GET4: variants seen among roughly 807,000 people sequenced by gnomAD.
The protein encoded by GET4 is Golgi to ER traffic protein 4 homolog.
A neutral mutation model predicts 40.0 loss-of-function variants in GET4; 20 were observed. The observed-to-expected ratio is 0.50, with a 90% CI of 0.35 to 0.73. The LOEUF is 0.73. GET4 is among the 30% of genes least tolerant of loss of function. The pLI, the probability that GET4 is intolerant of heterozygous loss-of-function variation, is 0.01. For missense variants in GET4, 557 were observed against 454.0 expected (o/e 1.23, Z -2.06); for synonymous variants, 280 against 194.6 (o/e 1.44, Z -3.65).
intron 3 of GET4, chr7:887,121 A>G (rs1351028136): frequency 3.0e-6 from 2 of 663,782 alleles, no homozygotes; most frequent in African/African-American, 3.6e-5. Flanking sequence ...CCAGCTCCCC[A>G]CGGCACCTTC....
intron 6 of GET4, among the ~76,000 whole-genome samples, chr7:892,644 CAAGTGTAGACATGGCGTG>C (rs1305190752): frequency 9.8e-5 from 5 of 50,778 alleles, no homozygotes; most frequent in Admixed American, 6.8e-4. Context: ...GGTGTATGTG[CAAGTGTAGACATGGCGTG>C]GGGGAGTGTA....
rs752114502 is a variant in GET4, at chr7:893,948, C to T, written c.872C>T (p.Thr291Met). 1.1e-5 allele frequency: 17 copies of T among 1,604,760 alleles called. No homozygotes were observed. The Admixed American group carries it at 1.2e-4, about 11-fold the overall frequency. ...QLFFGVPPKQ[T>M]SSYGGLLGNL... ...TTCTTCGGCGTCCCGCCCAAGCAGA[C>T]GTCTTCCTACGGGGGCCTGCTCGGT... Residue 291 changes from threonine to methionine, a missense_variant, in exon 8 of 9, where the codon ACG (threonine) becomes ATG (methionine). By Grantham distance (81) the Thr-to-Met change is moderately conservative (BLOSUM62 -1). Coordinates refer to ENST00000265857, the MANE Select transcript of GET4 (RefSeq NM_015949.3).
chr7:888,795 A>G (rs1035133549), intron 4 of GET4, among the ~76,000 whole-genome samples: 1 of 152,362 alleles, frequency 6.6e-6, no homozygotes, highest in South Asian at 2.1e-4. Flanking sequence ...ACGGCCGCAG[A>G]CAACCCTCCT....
intron 8 of GET4, 110 bp from the exon 9 acceptor site, chr7:895,223 GC>G: frequency 1.6e-6 from 1 of 612,928 alleles, no homozygotes; most frequent in Non-Finnish European, 3.0e-6. Flanking sequence ...TGAGGCTTTT[GC>G]TTGTTCCATG....
At chr7:894,098 C>T in intron 8 of GET4, 127 bp downstream of exon 8, 1 of 597,334 alleles carries the variant, frequency 1.7e-6, no homozygotes, top group South Asian at 2.3e-5. Flanking sequence ...AAATGTTTCT[C>T]AGTTTACTTT....
intron 1 of GET4, chr7:885,455 C>G (rs1185175209): frequency 2.0e-5 from 3 of 153,326 alleles, no homozygotes; most frequent in Non-Finnish European, 4.4e-5. Flanking sequence ...GCCTGAGGAG[C>G]TCCAGCTTTC....
chr7:877,183 C>T (rs1843974563), intron 1 of GET4, among the ~76,000 whole-genome samples: 1 of 135,808 alleles, frequency 7.4e-6, no homozygotes, highest in Admixed American at 7.4e-5. Context: ...GGCCGCCTCC[C>T]CCGCCCCACC....
rs758012231 is a variant in GET4 at position 895,403 on chromosome 7, G to T, written c.965G>T (p.Ser322Ile). 1.1e-5 allele frequency: 17 copies of T among 1,581,906 alleles called. No individual in the cohort carries two copies. Among genetic ancestry groups the T allele is most frequent in the Non-Finnish European group, 1.4e-5 (16 of 1,152,594 alleles). The change falls in exon 9 of 9, where the codon AGC (serine) becomes ATC (isoleucine). Residue 322 changes from serine (S) to isoleucine (I), a missense_variant. Physicochemically the swap from Ser to Ile is moderately radical, Grantham distance 142. Transcript: ENST00000265857. ...GGGGAGGAGAGCCCCAGCGACGGCA[G>T]CCCCATCGAGCTGGACTGAACTGGC... is the stretch of plus-strand genomic sequence containing the variant. The part of the protein sequence containing the change: ...EDGEESPSDG[S>I]PIELD
At chr7:891,171 A>G (rs1844313795) in intron 5 of GET4, 105 bp downstream of exon 5, 1 of 848,276 alleles carries the variant, frequency 1.2e-6, no homozygotes, top group Non-Finnish European at 1.8e-6. Context: ...TGCAGGATAA[A>G]CTGAGTTCAC....
intron 1 of GET4, chr7:884,198 C>T (rs780235397): frequency 7.7e-6 from 10 of 1,302,404 alleles, no homozygotes; most frequent in African/African-American, 4.6e-5. Flanking sequence ...TGCTCAGGGT[C>T]GGTGCATGCG....
In GET4 at chr7:886,678, C is replaced by G. The variant is rs113618766; in HGVS notation, c.316+28C>G. ...GAGCATCCGGCCCTTCACCCCGGGA[C>G]CCTGTGACAGCGGCCCCAGTACGCC... On this transcript the variant is annotated intron_variant, in intron 3 of 8. Transcript: ENST00000265857. The G allele has an allele frequency of 3.6e-5, 54 of 1,512,118 alleles. No individual in the cohort carries two copies. In the African/African-American group the frequency reaches 4.1e-4, roughly 12 times the overall value. 93.7% of individuals were successfully genotyped at this position (1,512,118 alleles called of 1,614,324 possible).
chr7:879,546 C>G (rs187855397), intron 1 of GET4, among the ~76,000 whole-genome samples: 25 of 152,304 alleles, frequency 1.6e-4, no homozygotes, highest in African/African-American at 4.8e-4. Flanking sequence ...GGCCCCTGAT[C>G]GTGGCTTATG....
At chr7:884,523 C>T in intron 1 of GET4, 1 of 401,752 alleles carries the variant, frequency 2.5e-6, no homozygotes, top group South Asian at 2.1e-5. Context: ...CCTCCTGGTG[C>T]CCTGCCTCTG....
intron 1 of GET4, among the ~76,000 whole-genome samples, chr7:878,509 G>A (rs1240602948): frequency 6.6e-6 from 1 of 152,076 alleles, no homozygotes; most frequent in Non-Finnish European, 1.5e-5. Context: ...TTGTATTTAA[G>A]GGCAGTTGGT....
At chr7:881,034 T>G (rs1844075072) in intron 1 of GET4, 1 of 152,170 alleles carries the variant, frequency 6.6e-6, no homozygotes, top group East Asian at 1.9e-4. Context: ...CTGGCCAATT[T>G]TTGTATTTTT....
chr7:886,280 G>T, intron 2 of GET4, 146 bp downstream of exon 2: 1 of 636,994 alleles, frequency 1.6e-6, no homozygotes, highest in Non-Finnish European at 2.8e-6. Flanking sequence ...GGGGCCCAGA[G>T]TCCCCCCTGG....
chr7:881,437 G>T (rs1844084618), intron 1 of GET4: 1 of 151,886 alleles, frequency 6.6e-6, no homozygotes, highest in Non-Finnish European at 1.5e-5. Flanking sequence ...GAATCACAGT[G>T]CGCACTTTCT....
At position 892,412 on chromosome 7, in the gene GET4, T is replaced by C; in HGVS notation, c.740T>C (p.Val247Ala). Residue 247 changes from valine to alanine, a missense_variant, in exon 6 of 9, where the codon GTG becomes GCG. Coordinates refer to ENST00000265857, the MANE Select transcript of GET4 (RefSeq NM_015949.3). ...LNFIWFLLLA[V>A]DGGKLTVFTV... ...TTCATCTGGTTCCTGCTGCTGGCTG[T>C]GGACGGGTGCGTCTTGGGATCCTGC... 6.3e-7 allele frequency: 1 copy of C among 1,587,412 alleles called. No individual in the cohort carries two copies. The highest frequency in any genetic ancestry group is 8.6e-7 in the Non-Finnish European group (1 of 1,158,580).
At position 876,626 on chromosome 7, in the gene GET4, C is replaced by G. The variant is rs1400270901; in HGVS notation, c.-20C>G. On this transcript the variant is annotated 5_prime_UTR_variant, in exon 1 of 9. Coordinates refer to ENST00000265857, the MANE Select transcript of GET4 (RefSeq NM_015949.3). ...GACCGCGCCTGCGACAGCGTCAGCC[C>G]TGCGCGGAGCGCCGGCCCGATGGCG... 8.2e-7 allele frequency: 1 copy of G among 1,225,516 alleles called. No individual in the cohort carries two copies. The highest frequency in any genetic ancestry group is 1.6e-5 in the African/African-American group (1 of 62,156). 75.9% of individuals were successfully genotyped at this position (1,225,516 alleles called of 1,614,324 possible). A position where few individuals can be genotyped will look rare whatever the true frequency, so the allele number is the denominator to read the frequency against.
Sources: gnomAD v4.1 joint callset for allele counts (sites outside exome capture counted in the v4.1 genomes callset) on GRCh38, gnomAD v4.1.1 for gene constraint, MANE v1.5 for transcripts, NCBI Gene and HGNC (gene_info 2026-07-23, HGNC 2026-07-21) for gene names.